The following BRINP3 variants were observed in gnomAD, a reference collection of about 807,000 sequenced individuals.
The protein encoded by BRINP3 is BMP/retinoic acid-inducible neural-specific protein 3.
A neutral mutation model predicts 71.0 loss-of-function variants in BRINP3; 19 were observed. That is an observed-to-expected ratio of 0.27 (90% CI 0.19 to 0.39). The LOEUF (loss-of-function observed/expected upper bound fraction) is 0.39. Among genes scored for constraint, BRINP3 ranks in the 10% least tolerant of loss-of-function variants. The probability of loss-of-function intolerance (pLI) is 1.00; values close to 1 mark genes in which losing one functional copy is unlikely to be tolerated. For synonymous variants in BRINP3, 380 were observed against 337.7 expected (o/e 1.13, Z -1.37); for missense variants, 959 against 940.8 (o/e 1.02, Z -0.25).
intron 6 of BRINP3, among the ~76,000 whole-genome samples, chr1:190,165,769 C>T (rs1229744209): frequency 6.6e-6 from 1 of 150,912 alleles, no homozygotes; most frequent in Non-Finnish European, 1.5e-5. Context: ...CAGTAAGATA[C>T]AAAATTGGCA....
At chr1:190,254,671 G>T (rs1012220003) in intron 4 of BRINP3, among the ~76,000 whole-genome samples, 5 of 152,034 alleles carry the variant, frequency 3.3e-5, no homozygotes, top group African/African-American at 1.2e-4. Context: ...AGGAAATTTT[G>T]GGCTGAGACG....
At chr1:190,430,132 AC>A (rs1558279915) in intron 2 of BRINP3, among the ~76,000 whole-genome samples, 1 of 152,144 alleles carries the variant, frequency 6.6e-6, no homozygotes, top group Non-Finnish European at 1.5e-5. Flanking sequence ...AGCATTAATC[AC>A]AAAATATAGA....
chr1:190,165,900 TG>T (rs1651491823), intron 6 of BRINP3, among the ~76,000 whole-genome samples: 1 of 152,190 alleles, frequency 6.6e-6, no homozygotes, highest in African/African-American at 2.4e-5. Context: ...AAATGGCACC[TG>T]CTCCTCCAGG....
At chr1:190,367,220 G>A (rs150371857) in intron 2 of BRINP3, among the ~76,000 whole-genome samples, 3 of 152,282 alleles carry the variant, frequency 2.0e-5, no homozygotes, top group African/African-American at 4.8e-5. Flanking sequence ...TGAAATCTAG[G>A]CAGAGGTTCC....
At chr1:190,116,956 G>C (rs540823781) in intron 7 of BRINP3, among the ~76,000 whole-genome samples, 1 of 152,000 alleles carries the variant, frequency 6.6e-6, no homozygotes, top group East Asian at 1.9e-4. Context: ...AACTTAAAAA[G>C]CTTATGACTT....
chr1:190,426,553 T>G (rs773903337), intron 2 of BRINP3, among the ~76,000 whole-genome samples: 1 of 98,570 alleles, frequency 1.0e-5, no homozygotes, highest in Non-Finnish European at 2.2e-5. Flanking sequence ...CAAACAAACA[T>G]TTTTAGATTG....
chr1:190,395,486 T>A (rs1402133032), intron 2 of BRINP3, among the ~76,000 whole-genome samples: 1 of 151,768 alleles, frequency 6.6e-6, no homozygotes, highest in Admixed American at 6.6e-5. Flanking sequence ...AAACAAACCA[T>A]TGCTTCATCT....
intron 2 of BRINP3, among the ~76,000 whole-genome samples, chr1:190,441,828 T>G (rs972255260): frequency 2.0e-5 from 3 of 152,066 alleles, no homozygotes; most frequent in African/African-American, 7.2e-5. Context: ...GTGTTATCAT[T>G]GGATTAAACA....
intron 6 of BRINP3, among the ~76,000 whole-genome samples, chr1:190,214,862 T>G (rs1042079533): frequency 1.3e-5 from 2 of 151,906 alleles, no homozygotes; most frequent in African/African-American, 4.8e-5. Flanking sequence ...CCATCTCAGA[T>G]TGACTTAACA....
At chr1:190,416,398 A>G (rs1367391677) in intron 2 of BRINP3, among the ~76,000 whole-genome samples, 1 of 152,144 alleles carries the variant, frequency 6.6e-6, no homozygotes, top group East Asian at 1.9e-4. Flanking sequence ...CAAGAGCCCC[A>G]TGAGAGAAAA....
chr1:190,126,852 A>G (rs1452504326), intron 7 of BRINP3, among the ~76,000 whole-genome samples: 4 of 151,872 alleles, frequency 2.6e-5, no homozygotes, highest in Non-Finnish European at 4.4e-5. Context: ...TACATAGGAG[A>G]AAGAGTGCTG....
intron 2 of BRINP3, among the ~76,000 whole-genome samples, chr1:190,334,059 A>G (rs1318541708): frequency 6.6e-6 from 1 of 151,856 alleles, no homozygotes; most frequent in African/African-American, 2.4e-5. Flanking sequence ...TTTTCACCTC[A>G]CATTTATACA....
chr1:190,098,663 A>C lies in BRINP3; in HGVS notation c.1656T>G (p.Gly552=), dbSNP rs747252546. Residue 552 remains glycine (G), a synonymous_variant, in exon 8 of 8, where the codon GGT becomes GGG. Transcript: ENST00000367462. Reference sequence around the variant, plus strand: ...TAGTTAAGCAAATCTGTAAAGAGAGACCCAAAATCATATGGACCAGACTTG... The same window carrying C: ...TAGTTAAGCAAATCTGTAAAGAGAGCCCCAAAATCATATGGACCAGACTTG... ...YKSSLVHMIL[G]LSLQICLTKN... is the part of the protein sequence containing the mutation. 8 of 1,614,082 alleles carry C rather than the reference A, an allele frequency of 5.0e-6. No homozygotes were observed. In the African/African-American group the frequency reaches 1.1e-4, roughly 22 times the overall value.
chr1:190,265,248 C>T (rs1027254912), intron 3 of BRINP3, among the ~76,000 whole-genome samples, 193 bp from the exon 4 acceptor site: 7 of 152,010 alleles, frequency 4.6e-5, no homozygotes, highest in African/African-American at 1.2e-4. Context: ...ATATTGGTCA[C>T]TTTAAACACG....
rs376875371 is a variant in BRINP3, at chr1:190,475,107, G to C, written c.-51+2341C>G. Among the ~76,000 whole-genome samples the C allele has an allele frequency of 1.1e-3, 164 of 152,180 alleles. 5 individuals carry two copies. In the South Asian group the frequency reaches 0.022, roughly 20 times the overall value. On this transcript the variant is annotated intron_variant, in intron 1 of 7. Transcript: ENST00000367462. ...TCTCCCCACCGCCCTCCAGATTCTT[G>C]GGAGTTGGTGAAGGAAAGGAAGGAG...
intron 2 of BRINP3, among the ~76,000 whole-genome samples, chr1:190,400,455 G>A (rs1671848571): frequency 6.6e-6 from 1 of 152,130 alleles, no homozygotes; most frequent in African/African-American, 2.4e-5. Context: ...ACACAAAATA[G>A]TTATGATACA....
At chr1:190,166,345 A>G (rs771756594) in intron 6 of BRINP3, among the ~76,000 whole-genome samples, 3 of 152,198 alleles carry the variant, frequency 2.0e-5, no homozygotes, top group Non-Finnish European at 4.4e-5. Context: ...TGAAAGATGC[A>G]TCATGTTTTA....
chr1:190,263,678 C>T (rs1463499155), intron 4 of BRINP3, among the ~76,000 whole-genome samples: 2 of 151,196 alleles, frequency 1.3e-5, no homozygotes, highest in East Asian at 3.9e-4. Flanking sequence ...CAAGTTCTGC[C>T]TCCCAGGTTC....
chr1:190,230,893 A>C (rs1223263028), intron 5 of BRINP3, among the ~76,000 whole-genome samples: 1 of 151,512 alleles, frequency 6.6e-6, no homozygotes, highest in Non-Finnish European at 1.5e-5. Flanking sequence ...GTGTTTTCTT[A>C]ATCACAGTCA....
Sources: gnomAD v4.1 joint callset for allele counts (sites outside exome capture counted in the v4.1 genomes callset) on GRCh38, gnomAD v4.1.1 for gene constraint, MANE v1.5 for transcripts, NCBI Gene and HGNC (gene_info 2026-07-23, HGNC 2026-07-21) for gene names.